Variants in SLC12A7 observed in about 807,000 individuals in gnomAD.
SLC12A7 encodes the protein solute carrier family 12 member 7, also known as K-Cl cotransporter 4.
In SLC12A7, 100 loss-of-function variants were observed where a neutral mutation model predicts 120.6. That is an observed-to-expected ratio of 0.83 (90% CI 0.71 to 0.98). The LOEUF (loss-of-function observed/expected upper bound fraction) is 0.98, where lower values mean the gene tolerates loss of function less well. Among genes scored for constraint, SLC12A7 ranks in the 50% least tolerant of loss-of-function variants. The probability of loss-of-function intolerance (pLI) is 0.00; values close to 1 mark genes in which losing one functional copy is unlikely to be tolerated. For missense variants in SLC12A7, 1,373 were observed against 1,548.1 expected (o/e 0.89, Z 1.90); for synonymous variants, 760 against 678.0 (o/e 1.12, Z -1.88).
rs1320658797 is a variant in SLC12A7 at position 1,074,683 on chromosome 5, G to A, written c.1968-12C>T. 6.2e-7 allele frequency: 1 copy of A among 1,611,632 alleles called. No homozygotes were observed. The highest frequency in any genetic ancestry group is 2.2e-5 in the East Asian group (1 of 44,882). On this transcript the variant is annotated splice_polypyrimidine_tract_variant and intron_variant, in intron 15 of 23. Transcript: ENST00000264930. ...ACTCCTTCTCGGCCCTGTGGGAAAG[G>A]AAGTCGGGGTTTGTCCAGCCGCGTA...
At chr5:1,081,550 AGG>A (rs1423517814) in intron 9 of SLC12A7, 25 bp downstream of exon 9, 1 of 1,586,380 alleles carries the variant, frequency 6.3e-7, no homozygotes, top group Non-Finnish European at 8.6e-7. Flanking sequence ...AAGAAAGAGA[AGG>A]GGAAGCCTGG....
At chr5:1,147,824 C>T in the SLC12A7 span, among the ~76,000 whole-genome samples, 2 of 151,866 alleles carry the variant, frequency 1.3e-5, no homozygotes, top group African/African-American at 4.8e-5. Context: ...CTCATTGTGG[C>T]CTTGACCTCC....
the SLC12A7 span, among the ~76,000 whole-genome samples, chr5:1,130,550 C>T: frequency 0.021 from 2,512 of 122,308 alleles, no homozygotes; most frequent in Middle Eastern, 0.03. Flanking sequence ...GGCGGCTGCC[C>T]GCGCAGGTCC....
At chr5:1,059,732 C>A (rs1252528231) in intron 21 of SLC12A7, among the ~76,000 whole-genome samples, 1 of 142,872 alleles carries the variant, frequency 7.0e-6, no homozygotes, top group African/African-American at 2.7e-5. Context: ...CCAGCTTCCA[C>A]GCACGGAGGC....
intron 1 of SLC12A7, among the ~76,000 whole-genome samples, chr5:1,106,997 T>C (rs1246154548): frequency 2.0e-5 from 3 of 152,358 alleles, no homozygotes; most frequent in Admixed American, 2.0e-4. Flanking sequence ...CACCCTGTAC[T>C]GACTGTGTCG....
chr5:1,056,927 A>C (rs1399310201), intron 22 of SLC12A7, among the ~76,000 whole-genome samples: 3 of 152,222 alleles, frequency 2.0e-5, no homozygotes, highest in Non-Finnish European at 4.4e-5. Context: ...AGCAGCCTGA[A>C]CTACCCACAG....
At chr5:1,052,933 C>T (rs1314041103) in intron 23 of SLC12A7, among the ~76,000 whole-genome samples, 2 of 152,384 alleles carry the variant, frequency 1.3e-5, no homozygotes, top group East Asian at 3.9e-4. Flanking sequence ...GCACAAATTC[C>T]CAAAGCTGCG....
intron 1 of SLC12A7, among the ~76,000 whole-genome samples, chr5:1,099,461 G>A (rs911542323): frequency 2.8e-5 from 4 of 142,416 alleles, no homozygotes; most frequent in South Asian, 2.1e-4. Context: ...CACCTCCTCC[G>A]GGGGACGGCA....
chr5:1,063,399 G>A (rs1041652703), intron 20 of SLC12A7, among the ~76,000 whole-genome samples: 6 of 152,200 alleles, frequency 3.9e-5, no homozygotes, highest in African/African-American at 7.2e-5. Flanking sequence ...GGTCCTGGAC[G>A]GGGTCCCGGG....
chr5:1,119,523 C>T, the SLC12A7 span, among the ~76,000 whole-genome samples: 90 of 152,364 alleles, frequency 5.9e-4, no homozygotes, highest in African/African-American at 2.0e-3. Flanking sequence ...TGACCCCCTC[C>T]AGCTGTGTGC....
chr5:1,085,163 G>C (rs1739678514), intron 7 of SLC12A7, 69 bp downstream of exon 7: 2 of 1,568,604 alleles, frequency 1.3e-6, no homozygotes, highest in Non-Finnish European at 1.7e-6. Context: ...TGGACGAGAG[G>C]CGGGCAGAGC....
At chr5:1,081,445 T>C in intron 9 of SLC12A7, 132 bp downstream of exon 9, 1 of 913,436 alleles carries the variant, frequency 1.1e-6, no homozygotes, top group Non-Finnish European at 1.6e-6. Context: ...AATATTTGTG[T>C]CTAGGAGTTG....
At chr5:1,146,990 A>G in the SLC12A7 span, among the ~76,000 whole-genome samples, 1 of 152,154 alleles carries the variant, frequency 6.6e-6, no homozygotes, top group Non-Finnish European at 1.5e-5. The surrounding 1 kb of genome is among the most constrained non-coding windows in gnomAD (Gnocchi z 6.5). Context: ...CTCAGAATCA[A>G]TCTCTTCAAA....
upstream of SLC12A7, chr5:1,112,064 T>G (rs1743067071): frequency 2.5e-6 from 3 of 1,197,800 alleles, no homozygotes; most frequent in African/African-American, 3.2e-5. Flanking sequence ...CCACGGGACT[T>G]GGAGGCAGGG....
At chr5:1,145,981 A>G in the SLC12A7 span, among the ~76,000 whole-genome samples, 1 of 152,270 alleles carries the variant, frequency 6.6e-6, no homozygotes, top group South Asian at 2.1e-4. This position sits in a 1 kb window ranked among gnomAD's most constrained non-coding sequence, Gnocchi z 4.4. Flanking sequence ...CTTCCTTTGC[A>G]AAACTGCAGC....
chr5:1,054,407 G>A (rs746671760), intron 22 of SLC12A7, among the ~76,000 whole-genome samples: 5 of 152,192 alleles, frequency 3.3e-5, no homozygotes, highest in Non-Finnish European at 7.3e-5. Context: ...AGGCCCTTGC[G>A]GGACAGAGCT....
chr5:1,083,058 G>C (rs537827008), intron 8 of SLC12A7, among the ~76,000 whole-genome samples: 1 of 150,962 alleles, frequency 6.6e-6, no homozygotes, highest in Admixed American at 6.6e-5. Context: ...GAAAGTCCAG[G>C]CTTCCCGTCT....
intron 1 of SLC12A7, among the ~76,000 whole-genome samples, chr5:1,108,130 C>A (rs1176558505): frequency 6.6e-6 from 1 of 152,148 alleles, no homozygotes; most frequent in African/African-American, 2.4e-5. Flanking sequence ...ATACACAGTG[C>A]AAGCACATGG....
intron 17 of SLC12A7, 56 bp from the exon 18 acceptor site, chr5:1,065,534 G>A (rs903741757): frequency 9.7e-6 from 14 of 1,441,666 alleles, no homozygotes; most frequent in African/African-American, 8.5e-5. Flanking sequence ...ACAGACCCAC[G>A]CCCACCACCC....
Sources: allele counts gnomAD v4.1 joint callset (sites outside exome capture counted in the v4.1 genomes callset), GRCh38; gene constraint gnomAD v4.1.1; non-coding constraint Gnocchi (gnomAD v3.1); transcripts MANE v1.5; gene names NCBI Gene and HGNC (gene_info 2026-07-23, HGNC 2026-07-21).